SDHC: variants seen among roughly 807,000 people sequenced by gnomAD.
SDHC encodes succinate dehydrogenase cytochrome b560 subunit, mitochondrial.
In SDHC, 11 loss-of-function variants were observed where a neutral mutation model predicts 22.6. The ratio of observed to expected loss-of-function variants is 0.49; its 90% confidence interval spans 0.31 to 0.81. SDHC has a LOEUF of 0.81. Among genes scored for constraint, SDHC ranks in the 30% least tolerant of loss-of-function variants. The pLI is 0.05. For missense variants in SDHC, 160 were observed against 212.0 expected, an observed-to-expected ratio of 0.75 and a Z score of 1.52; for synonymous variants, 80 against 77.8, an observed-to-expected ratio of 1.03 and a Z score of -0.15.
chr1:161,351,276 T>A (rs1251492142), intron 4 of SDHC, among the ~76,000 whole-genome samples: 1 of 152,216 alleles, frequency 6.6e-6, no homozygotes, highest in Non-Finnish European at 1.5e-5. Context: ...TATACTTTAG[T>A]CTCTTGTAAT....
intron 2 of SDHC, among the ~76,000 whole-genome samples, chr1:161,326,089 C>T (rs932676842): frequency 2.6e-5 from 4 of 152,084 alleles, no homozygotes; most frequent in African/African-American, 9.7e-5. Flanking sequence ...GTAGTCCCAG[C>T]TACTCAGGAG....
At chr1:161,335,726 G>A (rs1436100288) in intron 3 of SDHC, among the ~76,000 whole-genome samples, 6 of 152,042 alleles carry the variant, frequency 3.9e-5, no homozygotes, top group Non-Finnish European at 8.8e-5. Context: ...TTCTAGGCCC[G>A]GTCTGTGGAT....
chr1:161,317,827 G>A (rs957147193), intron 1 of SDHC, among the ~76,000 whole-genome samples: 7 of 149,134 alleles, frequency 4.7e-5, no homozygotes, highest in South Asian at 2.3e-4. Context: ...ATCAGCCACC[G>A]AGCCAGGCAT....
intron 3 of SDHC, among the ~76,000 whole-genome samples, chr1:161,333,431 A>C (rs1571859192): frequency 7.2e-6 from 1 of 138,610 alleles, no homozygotes. Flanking sequence ...TTAAAGACGG[A>C]GTCTCGCTCT....
chr1:161,359,579 G>T (rs1672422363), intron 5 of SDHC, among the ~76,000 whole-genome samples: 1 of 152,202 alleles, frequency 6.6e-6, no homozygotes, highest in African/African-American at 2.4e-5. Context: ...CTCAATATGG[G>T]GGTAAGAGAG....
chr1:161,314,808 C>T (rs991923783), intron 1 of SDHC: 4 of 243,710 alleles, frequency 1.6e-5, no homozygotes, highest in Non-Finnish European at 2.4e-5. Flanking sequence ...CATTTAGCTT[C>T]GGAGAGAGAG....
chr1:161,326,253 A>T (rs1411258482), intron 2 of SDHC, among the ~76,000 whole-genome samples: 1 of 152,008 alleles, frequency 6.6e-6, no homozygotes, highest in African/African-American at 2.4e-5. Context: ...TCATCAGATG[A>T]TTCAGGTTAA....
rs1671910288 is a variant in SDHC at position 161,346,669 on chromosome 1, A to G, written c.241+6014A>G. ...CACTTTGGCCTCCCAAAGTGCTGGGATTACAGGTATGAGCCACCATGCCCG... is the reference window on the plus strand; with the variant it reads ...CACTTTGGCCTCCCAAAGTGCTGGGGTTACAGGTATGAGCCACCATGCCCG... On this transcript the variant is annotated intron_variant, in intron 4 of 5. Transcript: ENST00000367975. 2.0e-5 allele frequency among the ~76,000 whole-genome samples: 3 copies of G among 152,096 alleles called. No individual in the cohort carries two copies. The South Asian group carries it at 6.2e-4, about 32-fold the overall frequency.
At chr1:161,347,090 G>A (rs757008411) in intron 4 of SDHC, among the ~76,000 whole-genome samples, 6 of 152,148 alleles carry the variant, frequency 3.9e-5, no homozygotes, top group Non-Finnish European at 7.3e-5. Context: ...AGGACACAGA[G>A]TTGACAGCAC....
intron 5 of SDHC, among the ~76,000 whole-genome samples, chr1:161,357,852 G>T (rs2102373911): frequency 6.6e-6 from 1 of 152,290 alleles, no homozygotes; most frequent in East Asian, 1.9e-4. Flanking sequence ...CATTGTTGCT[G>T]CTTTCATTCT....
rs769770062 is a variant in SDHC at position 161,356,546 on chromosome 1, A to G, written c.242-131A>G. 7.9e-5 allele frequency: 81 copies of G among 1,024,808 alleles called. No individual in the cohort carries two copies. The Middle Eastern group carries it at 1.8e-3, about 23-fold the overall frequency. 63.5% of individuals were successfully genotyped at this position (1,024,808 alleles called of 1,614,324 possible). A position where few individuals can be genotyped will look rare whatever the true frequency, so the allele number is the denominator to read the frequency against. On this transcript the variant is annotated intron_variant, in intron 4 of 5. Coordinates refer to ENST00000367975, the MANE Select transcript of SDHC (RefSeq NM_003001.5). The stretch of plus-strand genomic sequence containing the variant: ...AGAATGAGACTCTGTCTCAAGAAAA[A>G]AAGAAAACAAAAATCTTCTCCATTT...
At chr1:161,335,741 G>A (rs1186774907) in intron 3 of SDHC, among the ~76,000 whole-genome samples, 1 of 152,044 alleles carries the variant, frequency 6.6e-6, no homozygotes, top group Admixed American at 6.6e-5. Flanking sequence ...GTGGATAGAG[G>A]TAGCATATAT....
chr1:161,326,555 T>G (rs1044641220), intron 2 of SDHC: 2 of 141,244 alleles, frequency 1.4e-5, no homozygotes, highest in Admixed American at 1.4e-4. Flanking sequence ...CTCTCTTTTT[T>G]TTTTTAAATA....
At chr1:161,314,660 C>T (rs1046061099) in intron 1 of SDHC, 28 of 592,800 alleles carry the variant, frequency 4.7e-5, no homozygotes, top group African/African-American at 7.4e-5. Context: ...CCTCGGCTCT[C>T]GCCCCTTCTG....
chr1:161,319,905 T>G (rs548359655), intron 1 of SDHC, among the ~76,000 whole-genome samples: 23 of 150,990 alleles, frequency 1.5e-4, no homozygotes, highest in Non-Finnish European at 1.6e-4. Flanking sequence ...GAAAGGAATT[T>G]GTGGGAGGTT....
At position 161,314,970 on chromosome 1, in the gene SDHC, G is replaced by A. The variant is rs16832808; in HGVS notation, c.20+545G>A. On this transcript the variant is annotated intron_variant, in intron 1 of 5. Transcript: ENST00000367975. ...GCATTAGCACCCAGGGCGGACCTCT[G>A]CTGCCCCAGAGCAACCCGGGGAATT... 864 of 153,074 alleles carry A rather than the reference G, an allele frequency of 5.6e-3. 18 individuals carry two copies. Among genetic ancestry groups the A allele is most frequent in the South Asian group, 0.05 (252 of 5,004 alleles). 9.5% of individuals were successfully genotyped at this position (153,074 alleles called of 1,614,324 possible).
chr1:161,346,918 T>C (rs1390776583), intron 4 of SDHC, among the ~76,000 whole-genome samples: 1 of 152,084 alleles, frequency 6.6e-6, no homozygotes, highest in Non-Finnish European at 1.5e-5. Flanking sequence ...CCTAATACAA[T>C]GTAAACGCTA....
chr1:161,314,662 C>T lies in SDHC; in HGVS notation c.20+237C>T, dbSNP rs190861279. On this transcript the variant is annotated intron_variant, in intron 1 of 5. Transcript: ENST00000367975. ...CGTATCGAGGGGCCCTCGGCTCTCG[C>T]CCCTTCTGTTTTCCCCACCTCCTCT... 4.5e-4 allele frequency: 268 copies of T among 591,854 alleles called. 2 individuals are homozygous for T. The highest frequency in any genetic ancestry group is 1.1e-3 in the Admixed American group (37 of 33,852). The allele number at this position is 591,854 out of a possible 1,614,324, so 36.7% of individuals were successfully genotyped here.
chr1:161,325,573 G>A (rs1671019994), intron 2 of SDHC, among the ~76,000 whole-genome samples: 1 of 152,080 alleles, frequency 6.6e-6, no homozygotes, highest in South Asian at 2.1e-4. Context: ...CCAGCTACTC[G>A]GGAAGCTGAG....
Sources: gnomAD v4.1 joint callset for allele counts (sites outside exome capture counted in the v4.1 genomes callset) on GRCh38, gnomAD v4.1.1 for gene constraint, MANE v1.5 for transcripts, NCBI Gene and HGNC (gene_info 2026-07-23, HGNC 2026-07-21) for gene names.